The following HNRNPU variants were observed in gnomAD, a reference collection of about 807,000 sequenced individuals.
The protein encoded by HNRNPU is HNRNPU antisense RNA 1.
Under a neutral mutation model 94.7 loss-of-function variants are expected in HNRNPU, and 5 were observed. The ratio of observed to expected loss-of-function variants is 0.05; its 90% CI spans 0.03 to 0.11. The LOEUF (loss-of-function observed/expected upper bound fraction) is 0.11, where lower values mean the gene tolerates loss of function less well. HNRNPU is among the 10% of genes least tolerant of loss of function. The probability of loss-of-function intolerance (pLI) is 1.00; values close to 1 mark genes in which losing one functional copy is unlikely to be tolerated. For synonymous variants in HNRNPU, 434 were observed against 381.6 expected (o/e 1.14, Z -1.60); for missense variants, 710 against 1,049.2 (o/e 0.68, Z 4.47).
chr1:244,861,992 G>A (rs1302568007), intron 3 of HNRNPU: 2 of 153,084 alleles, frequency 1.3e-5, no homozygotes, highest in African/African-American at 2.4e-5. Context: ...GAACAAAAGA[G>A]CAGTTATTGA....
chr1:244,864,487 G>T lies in HNRNPU; in HGVS notation c.-180C>A, dbSNP rs1045032450. The T allele has an allele frequency of 3.6e-5, 38 of 1,058,616 alleles. No individual in the cohort carries two copies. The African/African-American group carries it at 3.7e-4, about 10-fold the overall frequency. The allele number at this position is 1,058,616 out of a possible 1,614,324, so 65.6% of individuals were successfully genotyped here. ...TCGAACGGCGCCAATTCCTTTCACCGAGTTCGCGAGGGAGACGCGGAGACT... is the reference window on the plus strand; with the variant it reads ...TCGAACGGCGCCAATTCCTTTCACCTAGTTCGCGAGGGAGACGCGGAGACT... On this transcript the variant is annotated 5_prime_UTR_variant, in exon 1 of 14. Coordinates refer to ENST00000640218, the MANE Select transcript of HNRNPU (RefSeq NM_031844.3).
In HNRNPU at chr1:244,863,638, GACCGCCGCC is replaced by G; in HGVS notation, c.661_669del (p.Gly221_Gly223del). ...TCACCCGCCGCCGGAGCCCCGGGGC[GACCGCCGCC>G]TCCGCCGCCTTCCGCCTTCTTCTTA... On this transcript the variant is annotated inframe_deletion, in exon 1 of 14. Transcript: ENST00000640218. The G allele has an allele frequency of 6.5e-7, 1 of 1,543,110 alleles. No individual in the cohort carries two copies. The highest frequency in any genetic ancestry group is 8.6e-7 in the Non-Finnish European group (1 of 1,158,196).
In HNRNPU at chr1:244,859,286, C is replaced by G. The variant is rs1475265666; in HGVS notation, c.1106G>C (p.Gly369Ala). 1 of 1,552,790 alleles carries G rather than the reference C, an allele frequency of 6.4e-7. No homozygotes were observed. Among genetic ancestry groups the G allele is most frequent in the Admixed American group, 1.7e-5 (1 of 59,944 alleles). The change falls in exon 5 of 14, where the codon GGA (glycine) becomes GCA (alanine). Residue 369 changes from glycine to alanine, a missense_variant. Coordinates refer to ENST00000640218, the MANE Select transcript of HNRNPU (RefSeq NM_031844.3). Reference sequence around the variant, plus strand: ...AAAAGAAGCTTTACCAAGTAACATTCCACTTGTAGTTAGTGACCAGCCAAT... The same window carrying G: ...AAAAGAAGCTTTACCAAGTAACATTGCACTTGTAGTTAGTGACCAGCCAAT... ...VRIGWSLTTS[G>A]MLLGEEEFSY...
intron 3 of HNRNPU, chr1:244,861,244 T>C (rs1367880176): frequency 1.3e-5 from 2 of 152,198 alleles, no homozygotes; most frequent in African/African-American, 2.4e-5. Context: ...CAGTTTGGAA[T>C]TTTTCTTAAA....
chr1:244,855,491 C>T lies in HNRNPU; in HGVS notation c.2285G>A (p.Arg762His), dbSNP rs768453396. Residue 762 changes from arginine to histidine, a missense_variant, in exon 12 of 14, where the codon CGT becomes CAT. By Grantham distance (29) the Arg-to-His change is conservative (BLOSUM62 0). Transcript: ENST00000640218. Reference sequence around the variant, plus strand: ...GTTCCCTCTGTTTGAGTAACTACCACGGCCAGGAAAAACAGGGGCACGAGG... The same window carrying T: ...GTTCCCTCTGTTTGAGTAACTACCATGGCCAGGAAAAACAGGGGCACGAGG... ...PYPRAPVFPG[R>H]GSYSNRGNYN... 4.3e-6 allele frequency: 7 copies of T among 1,613,872 alleles called. No homozygotes were observed. Among genetic ancestry groups the T allele is most frequent in the Admixed American group, 3.3e-5 (2 of 59,986 alleles).
rs1336508121 is a variant in HNRNPU at position 244,851,378 on chromosome 1, G to A, written c.*3072C>T. 1 of 152,070 alleles carries A rather than the reference G, an allele frequency of 6.6e-6. No individual in the cohort carries two copies. Among genetic ancestry groups the A allele is most frequent in the African/African-American group, 2.4e-5 (1 of 41,410 alleles). 9.4% of individuals were successfully genotyped at this position (152,070 alleles called of 1,614,324 possible). A position where few individuals can be genotyped will look rare whatever the true frequency, so the allele number is the denominator to read the frequency against. On this transcript the variant is annotated 3_prime_UTR_variant, in exon 14 of 14. Coordinates refer to ENST00000640218, the MANE Select transcript of HNRNPU (RefSeq NM_031844.3). Reference sequence around the variant, plus strand: ...GGAACCCATTATTCACATGGTCCTAGAATAAAAAGTCAATTTATATTGTGA... The same window carrying A: ...GGAACCCATTATTCACATGGTCCTAAAATAAAAAGTCAATTTATATTGTGA...
At chr1:244,863,165 C>T (rs1049032770) in intron 1 of HNRNPU, 2 of 173,032 alleles carry the variant, frequency 1.2e-5, no homozygotes, top group African/African-American at 4.8e-5. Flanking sequence ...AGCCCCTGCG[C>T]TCCTTGCACA....
rs773409645 is a variant in HNRNPU at position 244,858,743 on chromosome 1, T to C, written c.1216A>G (p.Ile406Val). Residue 406 changes from isoleucine to valine, a missense_variant, in exon 6 of 14, where the codon ATT becomes GTT. Around this residue, in one of 8 missense-constraint regions of HNRNPU, gnomAD observed 150 missense variants for 187.9 expected, o/e 0.80. Coordinates refer to ENST00000640218, the MANE Select transcript of HNRNPU (RefSeq NM_031844.3). ...CTTTAACTTACAGCAAAACATGTAA[T>C]CACATCATTTTCATCAAACTTTTCT... ...YGEKFDENDV[I>V]TCFANFESDE... 2.5e-6 allele frequency: 4 copies of C among 1,568,822 alleles called. No individual in the cohort carries two copies. Among genetic ancestry groups the C allele is most frequent in the African/African-American group, 2.7e-5 (2 of 74,034 alleles).
At chr1:244,860,207 A>C in intron 4 of HNRNPU, 128 bp downstream of exon 4, 1 of 674,604 alleles carries the variant, frequency 1.5e-6, no homozygotes. Flanking sequence ...GACTGAAGCA[A>C]GGAGAATCGC....
At position 244,857,140 on chromosome 1, in the gene HNRNPU, AACTT is replaced by A. The variant is rs200020281; in HGVS notation, c.1615-288_1615-285del. 2,450 of 300,798 alleles carry A rather than the reference AACTT, an allele frequency of 8.1e-3. 13 individuals carry two copies. Among genetic ancestry groups the A allele is most frequent in the Non-Finnish European group, 1.0e-2 (1,652 of 165,566 alleles). 18.6% of individuals were successfully genotyped at this position (300,798 alleles called of 1,614,324 possible). A position where few individuals can be genotyped will look rare whatever the true frequency, so the allele number is the denominator to read the frequency against. ...GTTTACCCTCAGAGTTGAAAGAACC[AACTT>A]AATCTTGCCTTTCCTCCCATCTCTT... On this transcript the variant is annotated intron_variant, in intron 8 of 13. Transcript: ENST00000640218.
Position 244,863,732 on chromosome 1 carries a change from C to T in HNRNPU, c.576G>A (p.Ser192=), listed in dbSNP as rs1309249317. ...EAAGKSSGPT[S]LFAVTVAPPG... The stretch of plus-strand genomic sequence containing the variant: ...GCGGCGCCACCGTCACCGCGAACAG[C>T]GAGGTGGGGCCGCTGCTCTTCCCCG... Residue 192 remains serine, a synonymous_variant, in exon 1 of 14, where the codon TCG becomes TCA. Transcript: ENST00000640218. 3 of 1,570,512 alleles carry T rather than the reference C, an allele frequency of 1.9e-6. No homozygotes were observed. Among genetic ancestry groups the T allele is most frequent in the Non-Finnish European group, 2.6e-6 (3 of 1,164,084 alleles).
chr1:244,859,829 G>A (rs1680779814), intron 4 of HNRNPU: 1 of 155,998 alleles, frequency 6.4e-6, no homozygotes, highest in Admixed American at 6.5e-5. Flanking sequence ...CAAAATGAAG[G>A]TTCCAAGCTC....
chr1:244,858,667 A>G, intron 6 of HNRNPU, 62 bp downstream of exon 6: 2 of 872,102 alleles, frequency 2.3e-6, no homozygotes, highest in Non-Finnish European at 1.9e-6. Flanking sequence ...AAGCTTCTTT[A>G]AAGTTCCTAG....
intron 5 of HNRNPU, 54 bp downstream of exon 5, chr1:244,859,221 A>T: frequency 1.1e-6 from 1 of 911,848 alleles, no homozygotes; most frequent in Non-Finnish European, 1.8e-6. Context: ...AAAACACTGA[A>T]ATCAGACCCT....
In HNRNPU at chr1:244,858,331, A is replaced by C. The variant is rs1391019914; in HGVS notation, c.1231-57T>G. 6.7e-6 allele frequency: 10 copies of C among 1,498,104 alleles called. No individual in the cohort carries two copies. In the East Asian group the frequency reaches 2.3e-4, roughly 34 times the overall value. The allele number at this position is 1,498,104 out of a possible 1,614,324, so 92.8% of individuals were successfully genotyped here. A position where few individuals can be genotyped will look rare whatever the true frequency, so the allele number is the denominator to read the frequency against. Reference sequence around the variant, plus strand: ...ATCTGCTTCCTTAAACTTTCTAAAAAACTAAGAATTAAAATTAGGAGCAAA... The same window carrying C: ...ATCTGCTTCCTTAAACTTTCTAAAACACTAAGAATTAAAATTAGGAGCAAA... On this transcript the variant is annotated intron_variant, in intron 6 of 13. Transcript: ENST00000640218.
chr1:244,857,803 T>G (rs1680719246), intron 7 of HNRNPU, 86 bp from the exon 8 acceptor site: 1 of 1,502,986 alleles, frequency 6.7e-7, no homozygotes, highest in African/African-American at 1.4e-5. Flanking sequence ...AATTTAAATA[T>G]CTAAGTTTTC....
rs778444627 is a variant in HNRNPU, at chr1:244,863,656, C to T, written c.652G>A (p.Gly218Ser). 14 of 1,556,730 alleles carry T rather than the reference C, an allele frequency of 9.0e-6. No homozygotes were observed. The highest frequency in any genetic ancestry group is 1.1e-5 in the Non-Finnish European group (13 of 1,163,260). ...CCGGGGCGACCGCCGCCTCCGCCGCCTTCCGCCTTCTTCTTACCTCCCGCC... is the reference window on the plus strand; with the variant it reads ...CCGGGGCGACCGCCGCCTCCGCCGCTTTCCGCCTTCTTCTTACCTCCCGCC... ...QQAGGKKKAEGGGGGGRPGAP... is the reference protein window; with the variant it reads ...QQAGGKKKAESGGGGGRPGAP... Residue 218 changes from glycine to serine, a missense_variant, in exon 1 of 14, where the codon GGC becomes AGC. By Grantham distance (56) the Gly-to-Ser change is moderately conservative. Coordinates refer to ENST00000640218, the MANE Select transcript of HNRNPU (RefSeq NM_031844.3).
rs772919904 is a variant in HNRNPU, at chr1:244,860,494, T to C, written c.878-20A>G. ...AATTATCTGTAATTATATCAAATAC[T>C]GTGTTACTTTTGACATCCAATGTAA... On this transcript the variant is annotated intron_variant, in intron 3 of 13. Transcript: ENST00000640218. 21 of 1,578,474 alleles carry C rather than the reference T, an allele frequency of 1.3e-5. No individual in the cohort carries two copies. In the South Asian group the frequency reaches 1.8e-4, roughly 13 times the overall value.
chr1:244,863,849 G>T lies in HNRNPU; in HGVS notation c.459C>A (p.Gly153=). ...GCTGCTCCCCGTGCCCGTTCTCGTC[G>T]CCCGCGCCTTCCTCTTCGTCCCCGA... ...DELGDEEEGA[G]DENGHGEQQP... Residue 153 remains glycine, a synonymous_variant, in exon 1 of 14, where the codon GGC becomes GGA. Transcript: ENST00000640218. 2.5e-6 allele frequency: 4 copies of T among 1,612,856 alleles called. No individual in the cohort carries two copies. Among genetic ancestry groups the T allele is most frequent in the Non-Finnish European group, 2.5e-6 (3 of 1,179,748 alleles).
Sources: gnomAD v4.1 joint callset for allele counts on GRCh38, gnomAD v4.1.1 for gene constraint, gnomAD v4.1.1 regional missense constraint, MANE v1.5 for transcripts, NCBI Gene and HGNC (gene_info 2026-07-23, HGNC 2026-07-21) for gene names.